IMMP2L: variants seen among roughly 807,000 people sequenced by gnomAD.
The protein encoded by IMMP2L is inner mitochondrial membrane peptidase subunit 2, also known as mitochondrial inner membrane protease subunit 2.
Under a neutral mutation model 19.3 loss-of-function variants are expected in IMMP2L, and 18 were observed. That is an observed-to-expected ratio of 0.93 (90% confidence interval 0.64 to 1.38). The LOEUF (loss-of-function observed/expected upper bound fraction) is 1.38, where lower values mean the gene tolerates loss of function less well. Ranked by LOEUF, IMMP2L falls within the 40% of genes most tolerant of loss-of-function variation. The pLI is 0.00. For synonymous variants in IMMP2L, 76 were observed against 73.0 expected (o/e 1.04, Z -0.21); for missense variants, 233 against 218.2 (o/e 1.07, Z -0.43).
At chr7:111,228,996 TGTGTG>T in intron 3 of IMMP2L, among the ~76,000 whole-genome samples, 1 of 151,582 alleles carries the variant, frequency 6.6e-6, no homozygotes, top group Non-Finnish European at 1.5e-5. Context: ...TGTGTGTGTG[TGTGTG>T]TGTGTATCAG....
At chr7:111,288,168 A>ACATTCAAT (rs2130796064) in intron 3 of IMMP2L, among the ~76,000 whole-genome samples, 1 of 152,308 alleles carries the variant, frequency 6.6e-6, no homozygotes, top group East Asian at 1.9e-4. Context: ...AGCAGAGATC[A>ACATTCAAT]CATTCAATTG....
intron 3 of IMMP2L, among the ~76,000 whole-genome samples, chr7:111,030,787 T>C (rs1790675574): frequency 1.4e-5 from 1 of 69,192 alleles, no homozygotes; most frequent in African/African-American, 7.8e-5. Context: ...CAAAAGTATA[T>C]ATATGTGTAT....
At chr7:111,406,538 C>T (rs1833913327) in intron 3 of IMMP2L, among the ~76,000 whole-genome samples, 1 of 152,024 alleles carries the variant, frequency 6.6e-6, no homozygotes. Flanking sequence ...TACCTTTCCT[C>T]CCTCTTACTG....
Position 111,113,386 on chromosome 7 carries a change from C to CT in IMMP2L, c.240-149822dup, listed in dbSNP as rs201497545. 1.2e-3 allele frequency among the ~76,000 whole-genome samples: 175 copies of CT among 149,130 alleles called. 1 individual carries two copies. The highest frequency in any genetic ancestry group is 4.1e-3 in the East Asian group (21 of 5,108). On this transcript the variant is annotated intron_variant, in intron 3 of 5. Coordinates refer to ENST00000405709, the MANE Select transcript of IMMP2L (RefSeq NM_032549.4). The stretch of plus-strand genomic sequence containing the variant: ...CTTATGGCAATCAATATAGAATAGT[C>CT]TTTTTTTTTTGTATACATGTCTATC...
chr7:111,360,345 C>T (rs1433979148), intron 3 of IMMP2L, among the ~76,000 whole-genome samples: 1 of 152,056 alleles, frequency 6.6e-6, no homozygotes, highest in Admixed American at 6.6e-5. Flanking sequence ...TCTGATGGTC[C>T]CCATGAACCT....
intron 3 of IMMP2L, among the ~76,000 whole-genome samples, chr7:111,182,403 C>T (rs1807805294): frequency 6.6e-6 from 1 of 151,892 alleles, no homozygotes; most frequent in African/African-American, 2.4e-5. Flanking sequence ...TGTAGAGGAG[C>T]CAGGTTGCCT....
chr7:110,739,758 AC>A (rs1796877465), intron 5 of IMMP2L, among the ~76,000 whole-genome samples: 1 of 152,188 alleles, frequency 6.6e-6, no homozygotes, highest in South Asian at 2.1e-4. Context: ...TGCAGAATAT[AC>A]ATTCTATTCA....
At chr7:111,067,624 T>C (rs915082115) in intron 3 of IMMP2L, among the ~76,000 whole-genome samples, 4 of 152,204 alleles carry the variant, frequency 2.6e-5, no homozygotes, top group African/African-American at 7.2e-5. Flanking sequence ...GAGTGGACTA[T>C]TTATTTTACT....
intron 4 of IMMP2L, among the ~76,000 whole-genome samples, chr7:110,892,701 G>C (rs2129546260): frequency 6.6e-6 from 1 of 152,098 alleles, no homozygotes; most frequent in African/African-American, 2.4e-5. Flanking sequence ...AAAGCTTCCA[G>C]AGAAAAAACA....
chr7:110,740,856 T>G (rs1248344497), intron 5 of IMMP2L, among the ~76,000 whole-genome samples: 2 of 151,886 alleles, frequency 1.3e-5, no homozygotes, highest in Non-Finnish European at 2.9e-5. Context: ...GGTGATTCCT[T>G]AAAGAACTGC....
intron 3 of IMMP2L, among the ~76,000 whole-genome samples, chr7:111,056,815 C>G (rs1793552321): frequency 6.6e-6 from 1 of 152,078 alleles, no homozygotes; most frequent in African/African-American, 2.4e-5. Context: ...TCATAAAGGT[C>G]TTCATCCTCA....
intron 3 of IMMP2L, among the ~76,000 whole-genome samples, chr7:111,177,093 C>T (rs1165337164): frequency 2.0e-5 from 3 of 151,992 alleles, no homozygotes; most frequent in Non-Finnish European, 2.9e-5. Flanking sequence ...ATATTCTTAA[C>T]AAAATGGTCA....
intron 3 of IMMP2L, among the ~76,000 whole-genome samples, chr7:111,287,510 C>T (rs910484118): frequency 1.3e-5 from 2 of 151,234 alleles, no homozygotes; most frequent in African/African-American, 2.4e-5. Context: ...ACAGATGTAA[C>T]TTACAGTCTT....
At chr7:111,084,249 T>C (rs1796117474) in intron 3 of IMMP2L, among the ~76,000 whole-genome samples, 1 of 137,702 alleles carries the variant, frequency 7.3e-6, no homozygotes. Context: ...AGGCACAAGA[T>C]CCAAAGTTCC....
At chr7:110,926,645 T>C (rs1814889645) in intron 4 of IMMP2L, among the ~76,000 whole-genome samples, 1 of 152,174 alleles carries the variant, frequency 6.6e-6, no homozygotes, top group African/African-American at 2.4e-5. Context: ...ATATTCTTTT[T>C]AGTCCATTTG....
chr7:111,534,939 C>G (rs192073343), intron 1 of IMMP2L, among the ~76,000 whole-genome samples: 31 of 152,198 alleles, frequency 2.0e-4, no homozygotes, highest in Non-Finnish European at 3.7e-4. Context: ...TGAAATTGGT[C>G]TGTATTAGAA....
At chr7:110,889,120 C>G (rs2129545816) in intron 4 of IMMP2L, among the ~76,000 whole-genome samples, 1 of 152,242 alleles carries the variant, frequency 6.6e-6, no homozygotes. Flanking sequence ...ACAAGACATA[C>G]CCTAACTCAG....
intron 5 of IMMP2L, among the ~76,000 whole-genome samples, chr7:110,762,325 A>C (rs1798398731): frequency 6.6e-6 from 1 of 152,102 alleles, no homozygotes; most frequent in Non-Finnish European, 1.5e-5. Flanking sequence ...CAAAATTTTA[A>C]ATTTCTAAAA....
chr7:110,997,506 T>TA (rs1292703404), intron 3 of IMMP2L, among the ~76,000 whole-genome samples: 2 of 152,162 alleles, frequency 1.3e-5, no homozygotes, highest in African/African-American at 4.8e-5. Flanking sequence ...ATCCAGTCGC[T>TA]AAATCCTCGC....
Sources: gnomAD v4.1 joint callset for allele counts (sites outside exome capture counted in the v4.1 genomes callset) on GRCh38, gnomAD v4.1.1 for gene constraint, MANE v1.5 for transcripts, NCBI Gene and HGNC (gene_info 2026-07-23, HGNC 2026-07-21) for gene names.